Variants in GDA observed in about 807,000 individuals in gnomAD.
GDA encodes guanine deaminase, also known as cytoplasmic PSD-95 interactor.
Under a neutral mutation model 59.6 loss-of-function variants are expected in GDA, and 18 were observed. That is an observed-to-expected ratio of 0.30 (90% CI 0.21 to 0.45). The LOEUF (loss-of-function observed/expected upper bound fraction) is 0.45, where lower values mean the gene tolerates loss of function less well. GDA is among the 20% of genes least tolerant of loss of function. GDA has a pLI of 1.00. For missense variants in GDA, 427 were observed against 552.3 expected (o/e 0.77, Z 2.27); for synonymous variants, 201 against 201.1 (o/e 1.00, Z 0.00).
chr9:72,244,868 G>A (rs191309766), intron 11 of GDA, among the ~76,000 whole-genome samples: 176 of 152,270 alleles, frequency 1.2e-3, no homozygotes, highest in African/African-American at 3.0e-3. Flanking sequence ...GCTATGAAGT[G>A]CACTGATAGA....
intron 1 of GDA, among the ~76,000 whole-genome samples, chr9:72,122,581 C>T (rs1825699313): frequency 6.6e-6 from 1 of 151,884 alleles, no homozygotes; most frequent in Non-Finnish European, 1.5e-5. Flanking sequence ...TTGTCTTCCT[C>T]TTGCACTTCT....
At chr9:72,198,823 G>A (rs1833541248) in intron 2 of GDA, among the ~76,000 whole-genome samples, 1 of 122,728 alleles carries the variant, frequency 8.1e-6, no homozygotes, top group Non-Finnish European at 1.7e-5. Context: ...ATAGGTGGAT[G>A]TTCTGATAAG....
At chr9:72,240,390 AT>A (rs1168409717) in intron 10 of GDA, among the ~76,000 whole-genome samples, 3 of 152,230 alleles carry the variant, frequency 2.0e-5, no homozygotes, top group Non-Finnish European at 2.9e-5. Context: ...TATCTAAATT[AT>A]CTTTATAACT....
rs1178937837 is a variant in GDA at position 72,149,537 on chromosome 9, C to A, written c.-23C>A. ...CGTGCGCCCTCCTCGACCAGCAGAC[C>A]CGCGCTGCGCTCCGCCGCTGACATG... On this transcript the variant is annotated 5_prime_UTR_variant, in exon 1 of 14. Transcript: ENST00000358399. 4 of 1,607,080 alleles carry A rather than the reference C, an allele frequency of 2.5e-6. No homozygotes were observed. The highest frequency in any genetic ancestry group is 1.7e-5 in the Admixed American group (1 of 59,838).
chr9:72,238,106 A>G (rs1587771013), intron 10 of GDA, among the ~76,000 whole-genome samples: 1 of 152,204 alleles, frequency 6.6e-6, no homozygotes, highest in Middle Eastern at 3.4e-3. Flanking sequence ...ATGGTTTGAC[A>G]CCCATCCACT....
At chr9:72,256,000 T>C (rs1038410240), downstream of GDA, among the ~76,000 whole-genome samples, 1 of 152,208 alleles carries the variant, frequency 6.6e-6, no homozygotes, top group Non-Finnish European at 1.5e-5. Context: ...TTTAATGTTG[T>C]TTGTAGTACT....
At chr9:72,224,035 A>C (rs1459729747) in intron 7 of GDA, among the ~76,000 whole-genome samples, 1 of 152,220 alleles carries the variant, frequency 6.6e-6, no homozygotes, top group East Asian at 1.9e-4. Context: ...TGCAGCCTAT[A>C]ATTTTTGAAT....
At chr9:72,141,325 C>A (rs1564154912) in intron 1 of GDA, among the ~76,000 whole-genome samples, 1 of 152,050 alleles carries the variant, frequency 6.6e-6, no homozygotes, top group African/African-American at 2.4e-5. Context: ...TGGTAAATTT[C>A]ATTTATATAT....
chr9:72,241,073 C>A (rs1434436305), intron 10 of GDA, 79 bp from the exon 11 acceptor site: 2 of 997,100 alleles, frequency 2.0e-6, no homozygotes, highest in Non-Finnish European at 2.9e-6. Context: ...GAATATCTGT[C>A]ATAAAAACAA....
At chr9:72,152,958 A>G (rs1827406961) in intron 1 of GDA, among the ~76,000 whole-genome samples, 1 of 152,056 alleles carries the variant, frequency 6.6e-6, no homozygotes, top group Non-Finnish European at 1.5e-5. Context: ...ATCTTGAATT[A>G]ATTTTTGCAT....
At position 72,245,231 on chromosome 9, in the gene GDA, T is replaced by C. The variant is rs771738174; in HGVS notation, c.1219T>C (p.Ser407Pro). Residue 407 changes from serine (S) to proline (P), a missense_variant, in exon 12 of 14, where the codon TCT becomes CCT. Transcript: ENST00000358399. ...AILINPKASD[S>P]PIDLFYGDFF... is the part of the protein sequence containing the mutation. ...CCTGATCAACCCCAAAGCATCCGACTCTCCCATTGACCTGTTTTATGGGGA... is the reference window on the plus strand; with the variant it reads ...CCTGATCAACCCCAAAGCATCCGACCCTCCCATTGACCTGTTTTATGGGGA... The C allele has an allele frequency of 1.9e-6, 3 of 1,612,218 alleles. No homozygotes were observed. Among genetic ancestry groups the C allele is most frequent in the Non-Finnish European group, 2.5e-6 (3 of 1,178,304 alleles).
intron 1 of GDA, among the ~76,000 whole-genome samples, chr9:72,115,063 G>C (rs1396193226): frequency 6.6e-6 from 1 of 152,178 alleles, no homozygotes; most frequent in Non-Finnish European, 1.5e-5. Flanking sequence ...GATCTACCGG[G>C]AGGAGCAGGG....
chr9:72,195,364 A>T (rs1478766625), intron 1 of GDA, 136 bp from the exon 2 acceptor site: 1 of 285,220 alleles, frequency 3.5e-6, no homozygotes, highest in Non-Finnish European at 6.3e-6. Context: ...TTGCCTCTAA[A>T]CTCAATTCCA....
chr9:72,186,191 A>G (rs878897366), intron 1 of GDA, among the ~76,000 whole-genome samples: 1 of 152,162 alleles, frequency 6.6e-6, no homozygotes, highest in African/African-American at 2.4e-5. Flanking sequence ...ATACTTTGTA[A>G]TTTTGCCACA....
At chr9:72,203,868 G>A (rs527269464) in intron 3 of GDA, among the ~76,000 whole-genome samples, 1 of 151,860 alleles carries the variant, frequency 6.6e-6, no homozygotes, top group African/African-American at 2.4e-5. Flanking sequence ...CCAAGCTGGA[G>A]TGCAGTGGCA....
intron 11 of GDA, among the ~76,000 whole-genome samples, chr9:72,243,873 T>C (rs7862279): frequency 0.49 from 73,753 of 151,962 alleles, 18,117 homozygotes; most frequent in East Asian, 0.55. Context: ...ATGCAACAAA[T>C]ACATGTGAAA....
downstream of GDA, among the ~76,000 whole-genome samples, chr9:72,254,393 A>G (rs1296824604): frequency 6.6e-6 from 1 of 152,152 alleles, no homozygotes; most frequent in Non-Finnish European, 1.5e-5. Flanking sequence ...AAATTCTTCA[A>G]TGGTAACTAA....
intron 1 of GDA, among the ~76,000 whole-genome samples, chr9:72,161,785 A>G (rs10869134): frequency 0.19 from 28,182 of 152,072 alleles, 2,929 homozygotes; most frequent in African/African-American, 0.29. Context: ...TCCATCGCCT[A>G]TCCATCATAG....
intron 3 of GDA, 24 bp from the exon 4 acceptor site, chr9:72,210,663 G>A (rs759240376): frequency 1.2e-5 from 16 of 1,358,402 alleles, no homozygotes; most frequent in South Asian, 3.5e-5. Context: ...CACGTGATTC[G>A]CGGTTTTTGT....
Sources: allele counts gnomAD v4.1 joint callset (sites outside exome capture counted in the v4.1 genomes callset), GRCh38; gene constraint gnomAD v4.1.1; transcripts MANE v1.5; gene names NCBI Gene and HGNC (gene_info 2026-07-23, HGNC 2026-07-21).